Variants in NTRK3 observed in about 807,000 individuals in gnomAD.
NTRK3 encodes neurotrophic receptor tyrosine kinase 3, also known as NT-3 growth factor receptor.
NTRK3 carries 24 observed loss-of-function variants against 91.7 expected under a neutral mutation model. The ratio of observed to expected loss-of-function variants is 0.26; its 90% CI spans 0.19 to 0.37. The LOEUF is 0.37. Ranked by LOEUF, NTRK3 falls within the 10% of genes least tolerant of loss-of-function variation. NTRK3 has a pLI of 1.00. For synonymous variants in NTRK3, 483 were observed against 404.0 expected (o/e 1.20, Z -2.34); for missense variants, 880 against 1,068.9 (o/e 0.82, Z 2.46).
intron 14 of NTRK3, among the ~76,000 whole-genome samples, chr15:87,981,919 T>A (rs995215698): frequency 6.6e-6 from 1 of 152,224 alleles, no homozygotes; most frequent in Non-Finnish European, 1.5e-5. Flanking sequence ...TGTTAGGGCA[T>A]AAACCATTGG....
intron 14 of NTRK3, among the ~76,000 whole-genome samples, chr15:88,018,435 C>G (rs1175538477): frequency 2.6e-5 from 4 of 152,130 alleles, no homozygotes; most frequent in African/African-American, 9.7e-5. Flanking sequence ...GTGGCATGCT[C>G]CTAAACTCTA....
intron 5 of NTRK3, among the ~76,000 whole-genome samples, chr15:88,182,202 G>A (rs569663093): frequency 3.3e-5 from 5 of 152,220 alleles, no homozygotes; most frequent in African/African-American, 9.6e-5. Context: ...AGAAAGCTCC[G>A]CAGAAAGCAG....
intron 3 of NTRK3, among the ~76,000 whole-genome samples, chr15:88,196,185 T>C (rs1018374807): frequency 6.6e-6 from 1 of 152,110 alleles, no homozygotes; most frequent in African/African-American, 2.4e-5. Context: ...GGCATTTTCA[T>C]TGTTAGAGGG....
At chr15:88,177,474 A>G (rs2046103952) in intron 5 of NTRK3, among the ~76,000 whole-genome samples, 1 of 152,234 alleles carries the variant, frequency 6.6e-6, no homozygotes, top group African/African-American at 2.4e-5. Flanking sequence ...TGAATTTATT[A>G]AACTGAATGT....
chr15:87,925,158 G>T, intron 17 of NTRK3, among the ~76,000 whole-genome samples: 1 of 152,148 alleles, frequency 6.6e-6, no homozygotes, highest in East Asian at 1.9e-4. Context: ...AGAAGGAAAA[G>T]GTGTTTGTCA....
intron 14 of NTRK3, among the ~76,000 whole-genome samples, chr15:88,022,963 A>T (rs2077710345): frequency 6.6e-6 from 1 of 152,198 alleles, no homozygotes; most frequent in Non-Finnish European, 1.5e-5. Flanking sequence ...GATGAATGCT[A>T]ATCTGTCACT....
chr15:88,012,287 G>A (rs2076934683), intron 14 of NTRK3, among the ~76,000 whole-genome samples: 2 of 152,154 alleles, frequency 1.3e-5, no homozygotes, highest in Non-Finnish European at 2.9e-5. Context: ...TGACATAAGG[G>A]AAACGTATTA....
At position 88,197,094 on chromosome 15, in the gene NTRK3, C is replaced by CAAAAAAAAA. The variant is rs59553739; in HGVS notation, c.249-12804_249-12796dup. On this transcript the variant is annotated intron_variant, in intron 3 of 18. Coordinates refer to ENST00000394480, the Ensembl canonical transcript of NTRK3. The stretch of plus-strand genomic sequence containing the variant: ...AGAAGAGGTCTATGGTTGAGCAGGA[C>CAAAAAAAAA]AAAAAAAAAAAAAAAAAAAAAAAAA... Among the ~76,000 whole-genome samples the CAAAAAAAAA allele has an allele frequency of 1.9e-4, 11 of 56,578 alleles. 1 individual carries two copies. The highest frequency in any genetic ancestry group is 0.025 in the Middle Eastern group (1 of 40). 37.1% of individuals were successfully genotyped at this position (56,578 alleles called of 152,430 possible). A position where few individuals can be genotyped will look rare whatever the true frequency, so the allele number is the denominator to read the frequency against.
intron 14 of NTRK3, among the ~76,000 whole-genome samples, chr15:87,965,146 AG>A (rs764710384): frequency 3.9e-5 from 6 of 152,280 alleles, no homozygotes; most frequent in Non-Finnish European, 7.3e-5. Context: ...TACATAAAAA[AG>A]ATTAGAAGGC....
chr15:87,894,594 C>G (rs2066015130), intron 17 of NTRK3, among the ~76,000 whole-genome samples: 2 of 152,154 alleles, frequency 1.3e-5, no homozygotes, highest in African/African-American at 4.8e-5. Context: ...AAGTCTTCCT[C>G]TAATGTGTTC....
In NTRK3 at chr15:88,156,343, C is replaced by T. The variant is rs150350749; in HGVS notation, c.396-8940G>A. On this transcript the variant is annotated intron_variant, in intron 5 of 18. Transcript: ENST00000394480. ...AGATATGGACACAGAGAACTGGACTCTTCCAGAATGCTTGGCCCACCTAAT... is the reference window on the plus strand; with the variant it reads ...AGATATGGACACAGAGAACTGGACTTTTCCAGAATGCTTGGCCCACCTAAT... Among the ~76,000 whole-genome samples the T allele has an allele frequency of 2.0e-5, 3 of 152,294 alleles. No homozygotes were observed. In the East Asian group the frequency reaches 5.8e-4, roughly 29 times the overall value.
intron 15 of NTRK3, 47 bp from the exon 16 acceptor site, chr15:87,933,231 G>A (rs2141959182): frequency 6.3e-7 from 1 of 1,594,272 alleles, no homozygotes; most frequent in Non-Finnish European, 8.6e-7. Flanking sequence ...CAGGGCAGGG[G>A]GCTGTCTTTT....
intron 14 of NTRK3, among the ~76,000 whole-genome samples, chr15:88,002,342 C>A (rs1015725814): frequency 2.6e-5 from 4 of 151,888 alleles, no homozygotes; most frequent in African/African-American, 9.7e-5. Flanking sequence ...AATGGAAGGC[C>A]TTGTTCAAAA....
chr15:88,010,098 T>A (rs987075312), intron 14 of NTRK3, among the ~76,000 whole-genome samples: 1 of 152,180 alleles, frequency 6.6e-6, no homozygotes, highest in Non-Finnish European at 1.5e-5. Context: ...CTGGCCTGTT[T>A]TGGCATGACC....
intron 13 of NTRK3, among the ~76,000 whole-genome samples, chr15:88,051,032 A>G (rs2080777711): frequency 6.6e-6 from 1 of 152,226 alleles, no homozygotes; most frequent in Admixed American, 6.5e-5. Context: ...CTTCATTCAT[A>G]AACATGTACA....
intron 17 of NTRK3, among the ~76,000 whole-genome samples, chr15:87,893,893 G>T (rs1205369831): frequency 6.6e-6 from 1 of 152,178 alleles, no homozygotes; most frequent in Non-Finnish European, 1.5e-5. Flanking sequence ...TCCCTAATCT[G>T]CATGGGCTGA....
At position 88,223,398 on chromosome 15, in the gene NTRK3, A is replaced by T. The variant is rs78971830; in HGVS notation, c.248+32508T>A. Among the ~76,000 whole-genome samples the T allele has an allele frequency of 4.9e-3, 739 of 152,336 alleles. 2 individuals are homozygous for T. The highest frequency in any genetic ancestry group is 0.017 in the African/African-American group (718 of 41,584). On this transcript the variant is annotated intron_variant, in intron 3 of 18. Coordinates refer to ENST00000394480, the Ensembl canonical transcript of NTRK3. The stretch of plus-strand genomic sequence containing the variant: ...AGAGCCCCTCTCTGCCCACACGCTC[A>T]GAGGCAGAAGGAGCAGCTGGCAGGC...
chr15:88,160,108 AGAG>A (rs1216642283), intron 5 of NTRK3, among the ~76,000 whole-genome samples: 1 of 152,226 alleles, frequency 6.6e-6, no homozygotes, highest in Non-Finnish European at 1.5e-5. Context: ...AAAAGAGAGC[AGAG>A]GAGAAAACAG....
At chr15:88,043,217 T>C (rs2079828430) in intron 13 of NTRK3, among the ~76,000 whole-genome samples, 1 of 152,172 alleles carries the variant, frequency 6.6e-6, no homozygotes, top group South Asian at 2.1e-4. Context: ...AAAGACTCTT[T>C]GTACAGACAG....
Sources: gnomAD v4.1 joint callset for allele counts (sites outside exome capture counted in the v4.1 genomes callset) on GRCh38, gnomAD v4.1.1 for gene constraint, MANE v1.5 for transcripts, NCBI Gene and HGNC (gene_info 2026-07-23, HGNC 2026-07-21) for gene names.